The following GNG2 variants were observed in gnomAD, a reference collection of about 807,000 sequenced individuals.
GNG2 encodes guanine nucleotide-binding protein G(I)/G(S)/G(O) subunit gamma-2.
In GNG2, 5 loss-of-function variants were observed where a neutral mutation model predicts 5.5. That is an observed-to-expected ratio of 0.91 (90% confidence interval 0.48 to 1.92). The LOEUF is 1.92. GNG2 is among the 30% of genes most tolerant of loss of function. The pLI is 0.01. For synonymous variants in GNG2, 28 were observed against 32.0 expected (o/e 0.88, Z 0.42); for missense variants, 55 against 88.4 (o/e 0.62, Z 1.52).
At chr14:51,839,088 A>G (rs34012751) in intron 2 of GNG2, among the ~76,000 whole-genome samples, 34,159 of 152,104 alleles carry the variant, frequency 0.22, 4,543 homozygotes, top group African/African-American at 0.36. Context: ...TGAGCCCGAA[A>G]TATCTGAGAC....
In GNG2 at chr14:51,968,453, C is replaced by G. The variant is rs1263305500; in HGVS notation, c.*1766C>G. On this transcript the variant is annotated 3_prime_UTR_variant, in exon 4 of 4. Coordinates refer to ENST00000556766, the MANE Select transcript of GNG2 (RefSeq NM_053064.5). ...CAGACTTGGTAAATGTTTTCCTTAG[C>G]TCCTTCATGGGCATGCTGGTGAAAG... 1.3e-5 allele frequency: 2 copies of G among 152,022 alleles called. No homozygotes were observed. Among genetic ancestry groups the G allele is most frequent in the Admixed American group, 6.6e-5 (1 of 15,260 alleles). 9.4% of individuals were successfully genotyped at this position (152,022 alleles called of 1,614,324 possible).
chr14:51,828,310 T>G (rs1033885236), intron 2 of GNG2, among the ~76,000 whole-genome samples: 1 of 152,148 alleles, frequency 6.6e-6, no homozygotes, highest in African/African-American at 2.4e-5. Context: ...TTTTCCTACT[T>G]GCCTGAGCTC....
intron 2 of GNG2, among the ~76,000 whole-genome samples, chr14:51,924,458 A>G (rs1260487152): frequency 1.3e-5 from 2 of 152,194 alleles, no homozygotes; most frequent in East Asian, 3.8e-4. Context: ...AACATTTAGG[A>G]AGATTGGGCC....
intron 2 of GNG2, chr14:51,914,257 C>A: frequency 1.4e-6 from 1 of 702,204 alleles, no homozygotes; most frequent in Non-Finnish European, 2.6e-6. Flanking sequence ...CAACATAAAA[C>A]GGACAAGCCA....
In GNG2 at chr14:51,950,694, AC is replaced by A; in HGVS notation, c.18del (p.Ala7ProfsTer3). The stretch of plus-strand genomic sequence containing the variant: ...CAGCACTCCGATGGCCAGCAACAAC[AC>A]CGCCAGCATAGCACAAGCCAGGAAG... MASNN[T>X]ASIAQARKLV... is the part of the protein sequence containing the mutation. On this transcript the variant is annotated frameshift_variant, in exon 3 of 4. Coordinates refer to ENST00000556766, the MANE Select transcript of GNG2 (RefSeq NM_053064.5). LOFTEE classifies it high-confidence loss of function. The A allele has an allele frequency of 6.2e-7, 1 of 1,611,862 alleles. No individual in the cohort carries two copies. Among genetic ancestry groups the A allele is most frequent in the Non-Finnish European group, 8.5e-7 (1 of 1,178,980 alleles).
chr14:51,853,678 T>C (rs533077672), intron 2 of GNG2, among the ~76,000 whole-genome samples: 3 of 152,348 alleles, frequency 2.0e-5, no homozygotes, highest in Admixed American at 2.0e-4. Context: ...GGAGTTATTA[T>C]TGTATAGCTT....
chr14:51,877,280 T>C (rs17831409), intron 1 of GNG2, among the ~76,000 whole-genome samples: 120 of 152,320 alleles, frequency 7.9e-4, no homozygotes, highest in South Asian at 1.5e-3. Flanking sequence ...ATTGTTCTTA[T>C]TCATTCCATC....
At chr14:51,929,331 T>C (rs1445903732) in intron 2 of GNG2, among the ~76,000 whole-genome samples, 1 of 152,180 alleles carries the variant, frequency 6.6e-6, no homozygotes, top group Non-Finnish European at 1.5e-5. Context: ...CTACCCCCGA[T>C]GGTGGATGCA....
chr14:51,965,313 G>C (rs1889830381), intron 3 of GNG2, among the ~76,000 whole-genome samples: 1 of 152,172 alleles, frequency 6.6e-6, no homozygotes, highest in South Asian at 2.1e-4. Flanking sequence ...GTTCGTAGTA[G>C]TACAGTGGTG....
upstream of GNG2, among the ~76,000 whole-genome samples, chr14:51,856,081 G>A (rs1299543854): frequency 6.6e-6 from 1 of 152,154 alleles, no homozygotes; most frequent in Non-Finnish European, 1.5e-5. Context: ...GGGAAGCTGA[G>A]GCAGGAGAAT....
At position 51,942,589 on chromosome 14, in the gene GNG2, C is replaced by CTTTTTT. The variant is rs56883654; in HGVS notation, c.-29-8049_-29-8044dup. Among the ~76,000 whole-genome samples the CTTTTTT allele has an allele frequency of 1.6e-3, 128 of 81,118 alleles. 4 individuals are homozygous for CTTTTTT. Among genetic ancestry groups the CTTTTTT allele is most frequent in the East Asian group, 7.6e-3 (24 of 3,178 alleles). 53.2% of individuals were successfully genotyped at this position (81,118 alleles called of 152,430 possible). A position where few individuals can be genotyped will look rare whatever the true frequency, so the allele number is the denominator to read the frequency against. On this transcript the variant is annotated intron_variant, in intron 2 of 3. Coordinates refer to ENST00000556766, the MANE Select transcript of GNG2 (RefSeq NM_053064.5). ...ATTTTTTCTCTTTCTTTCTTTCTTT[C>CTTTTTT]TTTTTTTTTTTTTTTTTAGAGACAG...
intron 2 of GNG2, among the ~76,000 whole-genome samples, chr14:51,919,495 A>G (rs1400423727): frequency 1.3e-5 from 2 of 152,220 alleles, no homozygotes; most frequent in Non-Finnish European, 2.9e-5. Flanking sequence ...TAGCAAATCC[A>G]GCTCACATAC....
intron 3 of GNG2, among the ~76,000 whole-genome samples, chr14:51,959,874 A>G (rs1051622786): frequency 6.6e-6 from 1 of 152,070 alleles, no homozygotes; most frequent in Admixed American, 6.6e-5. Context: ...AACATTCTCT[A>G]TATAACCACT....
intron 2 of GNG2, among the ~76,000 whole-genome samples, chr14:51,945,516 GC>G (rs869250093): frequency 7.6e-6 from 1 of 131,156 alleles, no homozygotes; most frequent in Non-Finnish European, 1.7e-5. Flanking sequence ...AATGGTGGCT[GC>G]CAGGGGTTGA....
At position 51,842,401 on chromosome 14, in the gene GNG2, A is replaced by G. The variant is rs142690172; in HGVS notation, c.64+14594A>G. ...TTTCTACAGCCTGTAGAGCTGTCCAAGTTGTGCTCAGCAATAATGGAACCT... is the reference window on the plus strand; with the variant it reads ...TTTCTACAGCCTGTAGAGCTGTCCAGGTTGTGCTCAGCAATAATGGAACCT... On this transcript the variant is annotated intron_variant, in intron 2 of 3. Transcript: ENST00000553432. Among the ~76,000 whole-genome samples, 50 of 152,342 alleles carry G rather than the reference A, an allele frequency of 3.3e-4. No homozygotes were observed. The East Asian group carries it at 8.5e-3, about 26-fold the overall frequency.
In GNG2 at chr14:51,866,392, CTGCCTTTG is replaced by C. The variant is rs112171084; in HGVS notation, c.-71+5606_-71+5613del. Among the ~76,000 whole-genome samples the C allele has an allele frequency of 6.4e-3, 978 of 152,312 alleles. 9 individuals are homozygous for C. Among genetic ancestry groups the C allele is most frequent in the African/African-American group, 0.022 (901 of 41,552 alleles). ...TGGAAACCATTCAACCAAGTCCCTA[CTGCCTTTG>C]TGCGTTAGAAGTGACCTCACTTTCT... On this transcript the variant is annotated intron_variant, in intron 1 of 3. Transcript: ENST00000556766.
At chr14:51,926,871 A>G (rs1887361208) in intron 2 of GNG2, among the ~76,000 whole-genome samples, 1 of 152,114 alleles carries the variant, frequency 6.6e-6, no homozygotes, top group Non-Finnish European at 1.5e-5. Flanking sequence ...TTTTAGCTGA[A>G]CTAAGGAGAA....
intron 2 of GNG2, among the ~76,000 whole-genome samples, chr14:51,893,644 C>A (rs1885001224): frequency 6.6e-6 from 1 of 151,608 alleles, no homozygotes; most frequent in African/African-American, 2.4e-5. Context: ...AGTTTTTTGG[C>A]TTCTTGTCTT....
intron 2 of GNG2, among the ~76,000 whole-genome samples, chr14:51,942,816 G>T (rs1888422744): frequency 6.6e-6 from 1 of 151,594 alleles, no homozygotes; most frequent in South Asian, 2.1e-4. Context: ...ATTTAAAGAA[G>T]TGTAACCACA....
Sources: gnomAD v4.1 joint callset for allele counts (sites outside exome capture counted in the v4.1 genomes callset) on GRCh38, gnomAD v4.1.1 for gene constraint, MANE v1.5 for transcripts, NCBI Gene and HGNC (gene_info 2026-07-23, HGNC 2026-07-21) for gene names.